The following MAGI2 variants were observed in gnomAD, a reference collection of about 807,000 sequenced individuals.
MAGI2 encodes membrane associated guanylate kinase, WW and PDZ domain containing 2, also known as membrane-associated guanylate kinase, WW and PDZ domain-containing protein 2.
Under a neutral mutation model 133.3 loss-of-function variants are expected in MAGI2, and 35 were observed. The ratio of observed to expected loss-of-function variants is 0.26; its 90% CI spans 0.20 to 0.35. The LOEUF (loss-of-function observed/expected upper bound fraction) is 0.35, where lower values mean the gene tolerates loss of function less well. MAGI2 is among the 10% of genes least tolerant of loss of function. The probability of loss-of-function intolerance (pLI) is 1.00; values close to 1 mark genes in which losing one functional copy is unlikely to be tolerated. For missense variants in MAGI2, 1,636 were observed against 1,863.4 expected (o/e 0.88, Z 2.25); for synonymous variants, 729 against 710.6 (o/e 1.03, Z -0.41).
At chr7:78,147,140 A>T (rs970461588) in intron 16 of MAGI2, among the ~76,000 whole-genome samples, 1 of 152,210 alleles carries the variant, frequency 6.6e-6, no homozygotes, top group African/African-American at 2.4e-5. Context: ...AACAGTGTAT[A>T]CAGTATGTTT....
intron 3 of MAGI2, among the ~76,000 whole-genome samples, chr7:78,623,311 G>T (rs1807947451): frequency 9.6e-6 from 1 of 103,670 alleles, no homozygotes. Context: ...AAATAAGGTT[G>T]TAAAGCATAA....
At chr7:79,074,495 C>A (rs1001840524) in intron 1 of MAGI2, among the ~76,000 whole-genome samples, 1 of 152,096 alleles carries the variant, frequency 6.6e-6, no homozygotes, top group Non-Finnish European at 1.5e-5. Context: ...GTTTTCTCTT[C>A]TCTGCTTTCT....
intron 1 of MAGI2, among the ~76,000 whole-genome samples, chr7:79,214,152 G>A (rs111823552): frequency 1.3e-4 from 19 of 151,218 alleles, no homozygotes; most frequent in African/African-American, 4.6e-4. Flanking sequence ...ACAGTCTCTG[G>A]GCAGATATTC....
chr7:78,448,138 T>C (rs1788345384), intron 6 of MAGI2, among the ~76,000 whole-genome samples: 1 of 152,080 alleles, frequency 6.6e-6, no homozygotes, highest in Non-Finnish European at 1.5e-5. Flanking sequence ...ATTGTGTATA[T>C]GTATCATATT....
chr7:78,459,275 C>A (rs1374157679), intron 6 of MAGI2, among the ~76,000 whole-genome samples: 2 of 152,100 alleles, frequency 1.3e-5, no homozygotes, highest in Admixed American at 1.3e-4. Flanking sequence ...TAGATAGAAC[C>A]ATTTAAAAGC....
chr7:78,431,849 TAAGTAA>T (rs1419972486), intron 6 of MAGI2, among the ~76,000 whole-genome samples: 1 of 152,002 alleles, frequency 6.6e-6, no homozygotes, highest in African/African-American at 2.4e-5. Flanking sequence ...AAAATAGACA[TAAGTAA>T]AAGTTGAAAT....
intron 1 of MAGI2, among the ~76,000 whole-genome samples, chr7:79,390,957 C>A (rs1844555831): frequency 6.6e-6 from 1 of 152,104 alleles, no homozygotes; most frequent in Non-Finnish European, 1.5e-5. Flanking sequence ...GAATAAACAG[C>A]CCAATTCATA....
At chr7:79,125,505 T>C (rs1306807217) in intron 1 of MAGI2, 4 of 513,824 alleles carry the variant, frequency 7.8e-6, no homozygotes, top group Non-Finnish European at 1.6e-5. Context: ...GCTATGGAAG[T>C]GGTGGACAGG....
chr7:78,909,129 A>AAAAC (rs1255897257), intron 2 of MAGI2, among the ~76,000 whole-genome samples: 3 of 151,598 alleles, frequency 2.0e-5, no homozygotes, highest in Admixed American at 1.3e-4. Flanking sequence ...AAAAAAAAAA[A>AAAAC]AACCCCATCA....
intron 10 of MAGI2, among the ~76,000 whole-genome samples, chr7:78,246,933 GATCCTGGCTCT>G (rs1791854698): frequency 5.9e-5 from 9 of 152,162 alleles, no homozygotes; most frequent in Non-Finnish European, 1.3e-4. Flanking sequence ...CAGAGTCACA[GATCCTGGCTCT>G]GTGGGCAATC....
intron 1 of MAGI2, among the ~76,000 whole-genome samples, chr7:79,129,571 CT>C (rs549751108): frequency 1.2e-3 from 187 of 152,248 alleles, no homozygotes; most frequent in Non-Finnish European, 1.6e-3. Context: ...ACAACTGACC[CT>C]CAGAAAGAAC....
intron 2 of MAGI2, among the ~76,000 whole-genome samples, chr7:78,827,632 C>T (rs1402874715): frequency 2.6e-5 from 4 of 152,072 alleles, no homozygotes; most frequent in African/African-American, 9.7e-5. Context: ...AAGATGAGCA[C>T]ATTTCATATT....
chr7:78,378,455 G>C (rs1391825775), intron 6 of MAGI2, among the ~76,000 whole-genome samples: 1 of 151,964 alleles, frequency 6.6e-6, no homozygotes, highest in African/African-American at 2.4e-5. Context: ...ATACCAGTAA[G>C]ACATTAGACT....
intron 1 of MAGI2, among the ~76,000 whole-genome samples, chr7:79,286,224 T>C (rs1335377515): frequency 1.3e-5 from 2 of 152,010 alleles, no homozygotes; most frequent in African/African-American, 4.8e-5. Flanking sequence ...GAAATGGAAG[T>C]AATAAATATA....
intron 3 of MAGI2, among the ~76,000 whole-genome samples, chr7:78,600,482 A>G (rs1805083206): frequency 2.0e-5 from 3 of 152,194 alleles, no homozygotes; most frequent in Non-Finnish European, 2.9e-5. Context: ...AAGGGGAAAA[A>G]TAACTTATAA....
intron 20 of MAGI2, among the ~76,000 whole-genome samples, chr7:78,091,052 ATG>A (rs3084764): frequency 0.3 from 45,699 of 149,888 alleles, 7,206 homozygotes; most frequent in African/African-American, 0.4. Flanking sequence ...ATGTGTGTGT[ATG>A]TGTGTGTGTG....
At chr7:78,209,559 C>A (rs1245303841) in intron 10 of MAGI2, among the ~76,000 whole-genome samples, 2 of 152,034 alleles carry the variant, frequency 1.3e-5, no homozygotes, top group African/African-American at 2.4e-5. Context: ...CCGTGCCTGG[C>A]CTGAAAGTCA....
intron 9 of MAGI2, among the ~76,000 whole-genome samples, chr7:78,262,402 G>A (rs1310334147): frequency 6.6e-6 from 1 of 152,034 alleles, no homozygotes; most frequent in Non-Finnish European, 1.5e-5. Context: ...GTGGCTTAAT[G>A]GCTGCAAAAC....
intron 1 of MAGI2, among the ~76,000 whole-genome samples, chr7:79,379,682 T>C (rs1843647391): frequency 6.6e-6 from 1 of 151,810 alleles, no homozygotes; most frequent in Non-Finnish European, 1.5e-5. Flanking sequence ...TATCTCATTG[T>C]GGTTTTGATT....
Sources: gnomAD v4.1 joint callset for allele counts (sites outside exome capture counted in the v4.1 genomes callset) on GRCh38, gnomAD v4.1.1 for gene constraint, MANE v1.5 for transcripts, NCBI Gene and HGNC (gene_info 2026-07-23, HGNC 2026-07-21) for gene names.